Variants in CPA6 observed in about 807,000 individuals in gnomAD.
CPA6 encodes the protein carboxypeptidase B.
Under a neutral mutation model 63.3 loss-of-function variants are expected in CPA6, and 58 were observed. The observed-to-expected ratio is 0.92, with a 90% confidence interval of 0.74 to 1.14. The LOEUF is 1.14. Ranked by LOEUF, CPA6 falls within the 50% of genes most tolerant of loss-of-function variation. CPA6 has a pLI of 0.00. For synonymous variants in CPA6, 185 were observed against 179.0 expected (o/e 1.03, Z -0.27); for missense variants, 565 against 526.6 (o/e 1.07, Z -0.71).
chr8:67,689,245 C>T lies in CPA6; in HGVS notation c.116+56769G>A, dbSNP rs373553519. On this transcript the variant is annotated intron_variant, in intron 1 of 10. Coordinates refer to ENST00000297770, the MANE Select transcript of CPA6 (RefSeq NM_020361.5). Reference sequence around the variant, plus strand: ...ATGTACATATTAGCATACACACCCACGTAGAACTTCAGATATAAACTTCTT... The same window carrying T: ...ATGTACATATTAGCATACACACCCATGTAGAACTTCAGATATAAACTTCTT... Among the ~76,000 whole-genome samples, 7 of 150,610 alleles carry T rather than the reference C, an allele frequency of 4.6e-5. No individual in the cohort carries two copies. The South Asian group carries it at 1.3e-3, about 27-fold the overall frequency.
chr8:67,495,479 T>C (rs571178108), intron 6 of CPA6, among the ~76,000 whole-genome samples: 1 of 152,312 alleles, frequency 6.6e-6, no homozygotes, highest in Admixed American at 6.5e-5. Flanking sequence ...AATGAATATC[T>C]GCTTTGAAAT....
At chr8:67,629,589 G>A (rs959347954) in intron 1 of CPA6, among the ~76,000 whole-genome samples, 1 of 151,964 alleles carries the variant, frequency 6.6e-6, no homozygotes, top group Non-Finnish European at 1.5e-5. Context: ...GTAAGATTAT[G>A]TACTCAATTT....
chr8:67,573,875 G>T (rs1339946490), intron 2 of CPA6, among the ~76,000 whole-genome samples: 1 of 97,290 alleles, frequency 1.0e-5, no homozygotes, highest in Admixed American at 1.7e-4. Context: ...CTGGGCGACA[G>T]AGCAAGACTC....
At chr8:67,454,877 A>G (rs888529357) in intron 8 of CPA6, among the ~76,000 whole-genome samples, 4 of 152,198 alleles carry the variant, frequency 2.6e-5, no homozygotes, top group Non-Finnish European at 5.9e-5. Context: ...AGACATGCAC[A>G]CATGAGAAAA....
At chr8:67,706,940 G>A (rs1563401450) in intron 1 of CPA6, among the ~76,000 whole-genome samples, 1 of 152,052 alleles carries the variant, frequency 6.6e-6, no homozygotes, top group African/African-American at 2.4e-5. Context: ...CCAAATTTAT[G>A]CAAAATTCTT....
At chr8:67,430,165 G>C (rs1400145452) in intron 9 of CPA6, among the ~76,000 whole-genome samples, 1 of 138,502 alleles carries the variant, frequency 7.2e-6, no homozygotes, top group South Asian at 2.2e-4. Flanking sequence ...GTGTGTGTGT[G>C]TGTGTGTATA....
chr8:67,495,383 A>G (rs1811688717), intron 6 of CPA6, among the ~76,000 whole-genome samples: 2 of 152,238 alleles, frequency 1.3e-5, no homozygotes, highest in South Asian at 4.1e-4. Context: ...TGTTTTGTGC[A>G]CTGTAGGACA....
At chr8:67,736,253 G>T (rs1378026759) in intron 1 of CPA6, among the ~76,000 whole-genome samples, 1 of 152,042 alleles carries the variant, frequency 6.6e-6, no homozygotes, top group Non-Finnish European at 1.5e-5. Flanking sequence ...CTATCTTAAG[G>T]AGTAAAAGCA....
chr8:67,502,116 A>G (rs961975985), intron 6 of CPA6, among the ~76,000 whole-genome samples: 1 of 152,064 alleles, frequency 6.6e-6, no homozygotes, highest in Admixed American at 6.6e-5. Flanking sequence ...GGTAATTTGC[A>G]TCTTCTTATT....
At chr8:67,464,767 G>C (rs543203136) in intron 8 of CPA6, among the ~76,000 whole-genome samples, 1 of 152,260 alleles carries the variant, frequency 6.6e-6, no homozygotes, top group South Asian at 2.1e-4. Flanking sequence ...TGAATACGGA[G>C]TCCTATCCCC....
chr8:67,626,177 A>G (rs1815190544), intron 1 of CPA6, among the ~76,000 whole-genome samples: 1 of 152,128 alleles, frequency 6.6e-6, no homozygotes, highest in South Asian at 2.1e-4. Flanking sequence ...TTCATAAATT[A>G]CCCAGTCTCA....
At chr8:67,590,887 T>C (rs1814102714) in intron 2 of CPA6, among the ~76,000 whole-genome samples, 1 of 152,140 alleles carries the variant, frequency 6.6e-6, no homozygotes, top group Non-Finnish European at 1.5e-5. Context: ...CTCTTTAGTT[T>C]AATTAGATCC....
Position 67,484,416 on chromosome 8 carries a change from T to A in CPA6, c.747+263A>T, listed in dbSNP as rs777421746. 5.3e-5 allele frequency among the ~76,000 whole-genome samples: 8 copies of A among 152,200 alleles called. 1 individual carries two copies. Among genetic ancestry groups the A allele is most frequent in the Non-Finnish European group, 8.8e-5 (6 of 68,028 alleles). ...CCATTTCTTTATAGGCAAAATTGAA[T>A]GGGCTGGACTAGACTAGTGATTTTT... is the stretch of plus-strand genomic sequence containing the variant. On this transcript the variant is annotated intron_variant, in intron 7 of 10. Transcript: ENST00000297770.
intron 1 of CPA6, among the ~76,000 whole-genome samples, chr8:67,630,809 G>A (rs573413014): frequency 1.6e-4 from 24 of 152,326 alleles, no homozygotes; most frequent in African/African-American, 2.4e-4. Flanking sequence ...CCGCGGCCCC[G>A]CACTTTGATC....
intron 2 of CPA6, among the ~76,000 whole-genome samples, chr8:67,577,644 T>A (rs145014436): frequency 6.6e-4 from 101 of 152,334 alleles, no homozygotes; most frequent in Non-Finnish European, 1.1e-3. Flanking sequence ...TAACATTTCT[T>A]GAAAGCAAAA....
At chr8:67,427,082 T>C (rs1331564088) in intron 10 of CPA6, among the ~76,000 whole-genome samples, 1 of 152,220 alleles carries the variant, frequency 6.6e-6, no homozygotes, top group East Asian at 1.9e-4. Context: ...GTGAGCTGAC[T>C]TGTTTCTTCC....
At chr8:67,724,786 C>T (rs1237341554) in intron 1 of CPA6, among the ~76,000 whole-genome samples, 1 of 152,180 alleles carries the variant, frequency 6.6e-6, no homozygotes, top group African/African-American at 2.4e-5. Context: ...CTTCCTTTCC[C>T]AAGCTGGAGA....
At chr8:67,658,385 T>C (rs1200867718) in intron 1 of CPA6, among the ~76,000 whole-genome samples, 3 of 152,202 alleles carry the variant, frequency 2.0e-5, no homozygotes, top group African/African-American at 4.8e-5. Context: ...TAATAAGGTA[T>C]GTCATATACA....
intron 8 of CPA6, among the ~76,000 whole-genome samples, chr8:67,466,084 GTTT>G (rs561313512): frequency 6.2e-5 from 6 of 96,098 alleles, no homozygotes; most frequent in South Asian, 3.6e-4. Flanking sequence ...TCTGAGGCTT[GTTT>G]TTTTTTTTTT....
Sources: allele counts gnomAD v4.1 joint callset (sites outside exome capture counted in the v4.1 genomes callset), GRCh38; gene constraint gnomAD v4.1.1; transcripts MANE v1.5; gene names NCBI Gene and HGNC (gene_info 2026-07-23, HGNC 2026-07-21).